LIN28B: variants seen among roughly 807,000 people sequenced by gnomAD.
LIN28B encodes the protein lin-28 RNA binding posttranscriptional regulator B.
A neutral mutation model predicts 21.9 loss-of-function variants in LIN28B; 5 were observed. That is an observed-to-expected ratio of 0.23 (90% CI 0.12 to 0.48). LIN28B has a LOEUF of 0.48. LIN28B is among the 20% of genes least tolerant of loss of function. The pLI, the probability that LIN28B is intolerant of heterozygous loss-of-function variation, is 0.98. For synonymous variants in LIN28B, 109 were observed against 111.3 expected (o/e 0.98, Z 0.13); for missense variants, 245 against 310.5 (o/e 0.79, Z 1.58).
At chr6:104,997,031 C>G (rs2114282051) in intron 2 of LIN28B, among the ~76,000 whole-genome samples, 1 of 152,142 alleles carries the variant, frequency 6.6e-6, no homozygotes. Context: ...CCTGTAATCC[C>G]AGCACTTTGG....
intron 2 of LIN28B, among the ~76,000 whole-genome samples, chr6:105,023,273 AT>A (rs1470262104): frequency 4.3e-5 from 2 of 46,980 alleles, no homozygotes; most frequent in African/African-American, 7.5e-5. Flanking sequence ...ATTATTTATT[AT>A]TATATATATA....
At chr6:105,064,081 G>A (rs750990358) in intron 3 of LIN28B, among the ~76,000 whole-genome samples, 1 of 152,188 alleles carries the variant, frequency 6.6e-6, no homozygotes, top group Non-Finnish European at 1.5e-5. Flanking sequence ...AAGACTCTGT[G>A]CCTAAAAGTG....
chr6:104,956,486 T>C (rs1274221353), upstream of LIN28B, among the ~76,000 whole-genome samples: 1 of 152,172 alleles, frequency 6.6e-6, no homozygotes, highest in Non-Finnish European at 1.5e-5. Flanking sequence ...TCTAGTAGGA[T>C]TTTATTTTAA....
chr6:104,998,363 T>TA (rs1344485282), intron 2 of LIN28B, among the ~76,000 whole-genome samples: 20 of 152,318 alleles, frequency 1.3e-4, no homozygotes, highest in African/African-American at 4.3e-4. Context: ...TTTTCAGTGT[T>TA]AAACAGAACA....
intron 3 of LIN28B, among the ~76,000 whole-genome samples, chr6:105,053,096 C>A (rs896457441): frequency 4.6e-5 from 7 of 151,798 alleles, no homozygotes; most frequent in African/African-American, 1.5e-4. Flanking sequence ...GTGATTTCTT[C>A]TTTGATCTAA....
chr6:104,990,163 A>C (rs1770432309), intron 2 of LIN28B, among the ~76,000 whole-genome samples: 1 of 151,686 alleles, frequency 6.6e-6, no homozygotes. Flanking sequence ...ATTTAATTCC[A>C]TAATGATTAG....
chr6:105,076,564 CTTG>C (rs1376826967), intron 3 of LIN28B, among the ~76,000 whole-genome samples: 1 of 152,040 alleles, frequency 6.6e-6, no homozygotes, highest in Non-Finnish European at 1.5e-5. Context: ...TAATTCACTT[CTTG>C]TTGTGAGTCT....
intron 3 of LIN28B, among the ~76,000 whole-genome samples, chr6:105,031,494 A>C (rs1301241377): frequency 2.0e-5 from 3 of 151,668 alleles, no homozygotes; most frequent in Non-Finnish European, 1.5e-5. Flanking sequence ...ATATATACAT[A>C]ATATTAAATT....
chr6:105,049,982 G>A (rs1446191427), intron 3 of LIN28B, among the ~76,000 whole-genome samples: 2 of 152,072 alleles, frequency 1.3e-5, no homozygotes, highest in Non-Finnish European at 2.9e-5. Flanking sequence ...CTTTTAATTG[G>A]AGCATTTAGC....
At chr6:105,037,999 CAAT>C (rs976113590) in intron 3 of LIN28B, among the ~76,000 whole-genome samples, 19 of 151,874 alleles carry the variant, frequency 1.3e-4, no homozygotes, top group South Asian at 6.2e-4. Flanking sequence ...AGCTTTACAA[CAAT>C]ATTAGAAGGA....
chr6:105,051,049 A>G (rs1771891443), intron 3 of LIN28B, among the ~76,000 whole-genome samples: 1 of 151,436 alleles, frequency 6.6e-6, no homozygotes, highest in African/African-American at 2.4e-5. Flanking sequence ...ACCTTAGATT[A>G]AAAAACAAAA....
intron 2 of LIN28B, among the ~76,000 whole-genome samples, chr6:104,962,622 TTCAA>T (rs1769770460): frequency 6.6e-6 from 1 of 152,166 alleles, no homozygotes; most frequent in Non-Finnish European, 1.5e-5. Flanking sequence ...TTACACATAG[TTCAA>T]TCAATTGATC....
chr6:105,017,973 C>CA (rs1176903167), intron 2 of LIN28B, among the ~76,000 whole-genome samples: 22 of 152,090 alleles, frequency 1.4e-4, no homozygotes, highest in Admixed American at 1.4e-3. Flanking sequence ...CTTAAGATGT[C>CA]AATCAAAAGT....
upstream of LIN28B, chr6:104,956,979 G>A: frequency 1.2e-6 from 1 of 848,790 alleles, no homozygotes; most frequent in Admixed American, 3.6e-5. Flanking sequence ...ATGAAATGGC[G>A]ATTGGTTATC....
intron 2 of LIN28B, among the ~76,000 whole-genome samples, chr6:104,943,795 G>T (rs1453352552): frequency 6.6e-6 from 1 of 151,984 alleles, no homozygotes; most frequent in Non-Finnish European, 1.5e-5. Flanking sequence ...GAACCACAAA[G>T]TAAAGTATTT....
intron 3 of LIN28B, among the ~76,000 whole-genome samples, chr6:105,048,447 C>A (rs551735671): frequency 6.6e-6 from 1 of 152,110 alleles, no homozygotes; most frequent in Non-Finnish European, 1.5e-5. Flanking sequence ...ATTTTTGCAT[C>A]GATGTTCATC....
intron 2 of LIN28B, among the ~76,000 whole-genome samples, chr6:104,965,490 T>C (rs1047746056): frequency 6.6e-6 from 1 of 152,180 alleles, no homozygotes; most frequent in African/African-American, 2.4e-5. Context: ...TCCATTGCAC[T>C]CCAGTCTGGA....
chr6:105,037,722 G>A (rs919123930), intron 3 of LIN28B, among the ~76,000 whole-genome samples: 6 of 151,754 alleles, frequency 4.0e-5, no homozygotes, highest in Admixed American at 3.9e-4. Context: ...CGTTGCCCAG[G>A]CTGGTCTCAA....
intron 3 of LIN28B, among the ~76,000 whole-genome samples, chr6:105,064,891 A>G (rs1772191969): frequency 6.6e-6 from 1 of 152,232 alleles, no homozygotes; most frequent in South Asian, 2.1e-4. Flanking sequence ...TCATCATTCA[A>G]ATACTTAAGG....
Sources: gnomAD v4.1 joint callset for allele counts (sites outside exome capture counted in the v4.1 genomes callset) on GRCh38, gnomAD v4.1.1 for gene constraint, MANE v1.5 for transcripts, NCBI Gene and HGNC (gene_info 2026-07-23, HGNC 2026-07-21) for gene names.